The following DIAPH3 variants were observed in gnomAD, a reference collection of about 807,000 sequenced individuals.
DIAPH3 encodes the protein protein diaphanous homolog 3.
Under a neutral mutation model 144.3 loss-of-function variants are expected in DIAPH3, and 117 were observed. The ratio of observed to expected loss-of-function variants is 0.81; its 90% CI spans 0.70 to 0.95. The LOEUF (loss-of-function observed/expected upper bound fraction) is 0.95. Ranked by LOEUF, DIAPH3 falls within the 40% of genes least tolerant of loss-of-function variation. The pLI is 0.00. For missense variants in DIAPH3, 1,421 were observed against 1,412.7 expected, an observed-to-expected ratio of 1.01 and a Z score of -0.09; for synonymous variants, 519 against 488.9, an observed-to-expected ratio of 1.06 and a Z score of -0.81.
chr13:59,953,906 TA>T (rs946999555), intron 17 of DIAPH3, among the ~76,000 whole-genome samples: 4 of 152,206 alleles, frequency 2.6e-5, no homozygotes, highest in African/African-American at 9.6e-5. Flanking sequence ...GCTATTTTTT[TA>T]AAGAGGTATT....
At chr13:59,997,575 GT>G (rs775735285) in intron 9 of DIAPH3, among the ~76,000 whole-genome samples, 1 of 151,952 alleles carries the variant, frequency 6.6e-6, no homozygotes, top group Non-Finnish European at 1.5e-5. Flanking sequence ...TAATGAGACT[GT>G]TTTTTTCTAA....
intron 20 of DIAPH3, among the ~76,000 whole-genome samples, chr13:59,900,367 G>A (rs1210904062): frequency 2.0e-5 from 3 of 152,042 alleles, no homozygotes; most frequent in Non-Finnish European, 4.4e-5. Context: ...ACAGACACAC[G>A]TTGTCATGGC....
chr13:60,092,575 C>A (rs889998578), intron 4 of DIAPH3, among the ~76,000 whole-genome samples: 2 of 152,008 alleles, frequency 1.3e-5, no homozygotes, highest in Non-Finnish European at 2.9e-5. Flanking sequence ...GGCGTGAACC[C>A]GGGAGGCGGA....
chr13:60,105,808 C>T lies in DIAPH3; in HGVS notation c.390+6202G>A, dbSNP rs559076595. On this transcript the variant is annotated intron_variant, in intron 3 of 27. Coordinates refer to ENST00000400324, the MANE Select transcript of DIAPH3 (RefSeq NM_001042517.2). ...AAAGAATACTAATACTTGAAATAAGCTGCTGGTAGGAATCTATAGCAGTCA... is the reference window on the plus strand; with the variant it reads ...AAAGAATACTAATACTTGAAATAAGTTGCTGGTAGGAATCTATAGCAGTCA... Among the ~76,000 whole-genome samples the T allele has an allele frequency of 6.6e-5, 10 of 152,284 alleles. No individual in the cohort carries two copies. The East Asian group carries it at 1.7e-3, about 26-fold the overall frequency.
At chr13:59,830,500 G>T (rs2041716051) in intron 24 of DIAPH3, among the ~76,000 whole-genome samples, 4 of 151,688 alleles carry the variant, frequency 2.6e-5, no homozygotes, top group Admixed American at 2.0e-4. Context: ...TGTGTGTGTG[G>T]TGGTAGTGAC....
intron 20 of DIAPH3, among the ~76,000 whole-genome samples, chr13:59,900,009 G>A (rs2046342365): frequency 6.6e-6 from 1 of 152,082 alleles, no homozygotes; most frequent in Non-Finnish European, 1.5e-5. Flanking sequence ...AATTTCAAGG[G>A]AAAAAGAGTA....
chr13:59,945,355 T>C (rs887191827), intron 17 of DIAPH3, among the ~76,000 whole-genome samples: 7 of 152,302 alleles, frequency 4.6e-5, no homozygotes, highest in Middle Eastern at 6.8e-3. Context: ...CATTAGATTA[T>C]ATACTATAGG....
chr13:59,870,920 T>G (rs968991205), intron 21 of DIAPH3, among the ~76,000 whole-genome samples: 1 of 152,160 alleles, frequency 6.6e-6, no homozygotes, highest in Non-Finnish European at 1.5e-5. Flanking sequence ...TCTGCCCGCC[T>G]CAGCCTCCCA....
chr13:59,982,583 G>C (rs369279953), intron 13 of DIAPH3, among the ~76,000 whole-genome samples: 8 of 151,716 alleles, frequency 5.3e-5, no homozygotes, highest in South Asian at 4.1e-4. Context: ...CTGAAAATGA[G>C]AGGTGTATTT....
chr13:59,676,158 C>T (rs2032637824), intron 27 of DIAPH3, among the ~76,000 whole-genome samples: 1 of 152,060 alleles, frequency 6.6e-6, no homozygotes, highest in African/African-American at 2.4e-5. Flanking sequence ...ATGGAAAGAC[C>T]CCTTGTTACT....
intron 15 of DIAPH3, among the ~76,000 whole-genome samples, chr13:59,974,016 C>T (rs1300916519): frequency 6.6e-6 from 1 of 151,970 alleles, no homozygotes; most frequent in Non-Finnish European, 1.5e-5. Flanking sequence ...ATAGCTTGAG[C>T]AATAATTTCT....
chr13:59,710,141 T>C (rs943226315), intron 27 of DIAPH3, among the ~76,000 whole-genome samples: 1 of 151,950 alleles, frequency 6.6e-6, no homozygotes, highest in Admixed American at 6.6e-5. Context: ...ATATACCTAA[T>C]GCTAGATGAC....
chr13:59,714,239 A>T (rs2034916441), intron 27 of DIAPH3, among the ~76,000 whole-genome samples: 1 of 150,528 alleles, frequency 6.6e-6, no homozygotes, highest in Non-Finnish European at 1.5e-5. Context: ...GGGCGCCTGT[A>T]GTCCCAGCTA....
At chr13:60,090,109 G>C (rs952652454) in intron 4 of DIAPH3, among the ~76,000 whole-genome samples, 12 of 152,100 alleles carry the variant, frequency 7.9e-5, no homozygotes, top group Admixed American at 7.2e-4. Context: ...CTCCAACTCT[G>C]GATCCTTTCA....
chr13:59,811,370 T>C (rs938201619), intron 24 of DIAPH3, among the ~76,000 whole-genome samples: 6 of 152,210 alleles, frequency 3.9e-5, no homozygotes, highest in African/African-American at 1.4e-4. Flanking sequence ...AGTGAAATCT[T>C]GTAGTGGCTA....
chr13:60,158,329 C>T (rs953920549), intron 1 of DIAPH3, among the ~76,000 whole-genome samples: 1 of 152,214 alleles, frequency 6.6e-6, no homozygotes, highest in Admixed American at 6.5e-5. Context: ...CTTTAGCTTA[C>T]TGGCTAGAAT....
At chr13:59,724,764 A>T (rs1393754798) in intron 27 of DIAPH3, among the ~76,000 whole-genome samples, 1 of 152,240 alleles carries the variant, frequency 6.6e-6, no homozygotes, top group African/African-American at 2.4e-5. Flanking sequence ...AAAATTACAC[A>T]TAATAGAAAT....
At chr13:59,763,188 ATTC>A (rs1451653363) in intron 27 of DIAPH3, among the ~76,000 whole-genome samples, 1 of 151,790 alleles carries the variant, frequency 6.6e-6, no homozygotes, top group Non-Finnish European at 1.5e-5. Context: ...TTGTTTCCTA[ATTC>A]TTTTTCATAC....
chr13:59,997,732 G>A (rs961806434), intron 9 of DIAPH3, among the ~76,000 whole-genome samples: 1 of 152,026 alleles, frequency 6.6e-6, no homozygotes, highest in Non-Finnish European at 1.5e-5. Context: ...ACCTGATTGC[G>A]CTGATGAGAT....
Sources: allele counts gnomAD v4.1 joint callset (sites outside exome capture counted in the v4.1 genomes callset), GRCh38; gene constraint gnomAD v4.1.1; transcripts MANE v1.5; gene names NCBI Gene and HGNC (gene_info 2026-07-23, HGNC 2026-07-21).